CCDC169: variants seen among roughly 807,000 people sequenced by gnomAD.
CCDC169 encodes the protein coiled-coil domain-containing protein 169.
CCDC169 carries 30 observed loss-of-function variants against 36.0 expected under a neutral mutation model. That is an observed-to-expected ratio of 0.83 (90% CI 0.62 to 1.13). CCDC169 has a LOEUF of 1.13. CCDC169 is among the 50% of genes most tolerant of loss of function. The pLI is 0.00. For synonymous variants in CCDC169, 85 were observed against 81.5 expected (o/e 1.04, Z -0.23); for missense variants, 245 against 245.9 (o/e 1.00, Z 0.03).
intron 2 of CCDC169, among the ~76,000 whole-genome samples, chr13:36,290,046 G>A (rs921469620): frequency 2.6e-5 from 4 of 152,164 alleles, no homozygotes; most frequent in African/African-American, 9.7e-5. Context: ...CTTATCAGGT[G>A]TTATTAACTA....
At chr13:36,283,193 T>C in intron 4 of CCDC169, 1 of 401,992 alleles carries the variant, frequency 2.5e-6, no homozygotes, top group Admixed American at 4.2e-5. Context: ...AAAAACACAG[T>C]ATTTGTCTAT....
chr13:36,248,856 A>AATT (rs1473064277), intron 6 of CCDC169, among the ~76,000 whole-genome samples, 174 bp from the exon 7 acceptor site: 3 of 152,014 alleles, frequency 2.0e-5, no homozygotes, highest in Non-Finnish European at 2.9e-5. Context: ...CAAGCCTCTA[A>AATT]AGATTCTGGA....
chr13:36,281,394 G>A, intron 4 of CCDC169: 2 of 343,612 alleles, frequency 5.8e-6, no homozygotes, highest in South Asian at 2.5e-5. Flanking sequence ...CCCACTGAAA[G>A]ACACTTAGAA....
At chr13:36,289,996 A>G (rs1878673605) in intron 2 of CCDC169, among the ~76,000 whole-genome samples, 1 of 151,756 alleles carries the variant, frequency 6.6e-6, no homozygotes, top group Admixed American at 6.6e-5. Context: ...CAAGTCATAG[A>G]CTCCAGTGTC....
At chr13:36,242,068 C>T (rs1024974764) in intron 7 of CCDC169, among the ~76,000 whole-genome samples, 1 of 152,134 alleles carries the variant, frequency 6.6e-6, no homozygotes, top group Admixed American at 6.6e-5. Flanking sequence ...TTCCTGAGGC[C>T]TCCCCAAACA....
In CCDC169 at chr13:36,254,033, G is replaced by T; in HGVS notation, c.414+12C>A. ...TTTCAAAGGAATTGCTAAGTATAGA[G>T]TAAAAACAAACCTTTGATTCTTGTT... is the stretch of plus-strand genomic sequence containing the variant. On this transcript the variant is annotated intron_variant, in intron 5 of 7. Coordinates refer to ENST00000239859, the MANE Select transcript of CCDC169 (RefSeq NM_001144981.3). 1 of 1,542,938 alleles carries T rather than the reference G, an allele frequency of 6.5e-7. No homozygotes were observed. Among genetic ancestry groups the T allele is most frequent in the Non-Finnish European group, 8.7e-7 (1 of 1,144,082 alleles).
intron 4 of CCDC169, among the ~76,000 whole-genome samples, chr13:36,271,673 CG>C (rs1419701917): frequency 6.6e-6 from 1 of 152,026 alleles, no homozygotes; most frequent in Non-Finnish European, 1.5e-5. Context: ...AACCAAACAC[CG>C]TATGTTCTGA....
At chr13:36,241,488 G>A (rs1871813860) in intron 7 of CCDC169, among the ~76,000 whole-genome samples, 1 of 151,912 alleles carries the variant, frequency 6.6e-6, no homozygotes, top group African/African-American at 2.4e-5. Context: ...TAAATGAATG[G>A]GATCACATTG....
At chr13:36,230,138 C>T (rs1371365738), downstream of CCDC169, among the ~76,000 whole-genome samples, 1 of 152,104 alleles carries the variant, frequency 6.6e-6, no homozygotes, top group African/African-American at 2.4e-5. Context: ...TACAGAAATG[C>T]ACTTGGTATT....
intron 4 of CCDC169, among the ~76,000 whole-genome samples, chr13:36,275,461 T>C (rs1026300976): frequency 6.6e-6 from 1 of 152,202 alleles, no homozygotes; most frequent in Non-Finnish European, 1.5e-5. Flanking sequence ...TACCTATCAA[T>C]TGACCATTCT....
chr13:36,275,275 A>G (rs547440336), intron 4 of CCDC169, among the ~76,000 whole-genome samples: 9 of 152,352 alleles, frequency 5.9e-5, no homozygotes, highest in African/African-American at 2.2e-4. Context: ...AATACAATGT[A>G]GTTAAGCACA....
intron 2 of CCDC169, among the ~76,000 whole-genome samples, chr13:36,290,877 G>A (rs892307934): frequency 1.3e-5 from 2 of 151,716 alleles, no homozygotes; most frequent in African/African-American, 4.8e-5. Context: ...TGAGAGGCAC[G>A]ATGGACCAGG....
intron 4 of CCDC169, among the ~76,000 whole-genome samples, chr13:36,257,313 AT>A (rs1439000088): frequency 6.6e-6 from 1 of 152,070 alleles, no homozygotes; most frequent in Non-Finnish European, 1.5e-5. Flanking sequence ...TGTCCACACA[AT>A]CCTCTCAGGG....
chr13:36,294,038 C>T (rs1441530357), intron 2 of CCDC169, among the ~76,000 whole-genome samples: 1 of 152,088 alleles, frequency 6.6e-6, no homozygotes, highest in African/African-American at 2.4e-5. Context: ...TATTTGAATT[C>T]CTGAATTTCA....
intron 3 of CCDC169, 38 bp downstream of exon 3, chr13:36,283,554 A>G (rs1346168902): frequency 6.4e-7 from 1 of 1,550,858 alleles, no homozygotes; most frequent in East Asian, 2.4e-5. Context: ...ATCAGTTTTA[A>G]CTCAAATTAT....
intron 4 of CCDC169, among the ~76,000 whole-genome samples, chr13:36,258,199 C>T (rs887063544): frequency 6.6e-6 from 1 of 152,166 alleles, no homozygotes; most frequent in East Asian, 1.9e-4. Context: ...AGTATGGGGG[C>T]TTCTTTGGCC....
chr13:36,247,476 A>T (rs905993162), intron 7 of CCDC169, among the ~76,000 whole-genome samples: 2 of 152,148 alleles, frequency 1.3e-5, no homozygotes. Context: ...AACATTTGTG[A>T]TTTATGGGAG....
At chr13:36,251,534 A>G (rs1332824824) in intron 6 of CCDC169, among the ~76,000 whole-genome samples, 1 of 142,736 alleles carries the variant, frequency 7.0e-6, no homozygotes, top group East Asian at 2.0e-4. Context: ...TTTGGGGACA[A>G]AAGACTTTAC....
intron 4 of CCDC169, among the ~76,000 whole-genome samples, chr13:36,258,589 G>A (rs1295005022): frequency 6.6e-6 from 1 of 152,128 alleles, no homozygotes; most frequent in Non-Finnish European, 1.5e-5. Flanking sequence ...CACCATGACA[G>A]TTTACAAATG....
Sources: gnomAD v4.1 joint callset for allele counts (sites outside exome capture counted in the v4.1 genomes callset) on GRCh38, gnomAD v4.1.1 for gene constraint, MANE v1.5 for transcripts, NCBI Gene and HGNC (gene_info 2026-07-23, HGNC 2026-07-21) for gene names.